Variants in GALNTL6 observed in about 807,000 individuals in gnomAD.
The protein encoded by GALNTL6 is polypeptide N-acetylgalactosaminyltransferase like 6.
Under a neutral mutation model 73.7 loss-of-function variants are expected in GALNTL6, and 46 were observed. The ratio of observed to expected loss-of-function variants is 0.62; its 90% CI spans 0.49 to 0.80. The LOEUF (loss-of-function observed/expected upper bound fraction) is 0.80, where lower values mean the gene tolerates loss of function less well. Among genes scored for constraint, GALNTL6 ranks in the 30% least tolerant of loss-of-function variants. The pLI is 0.00. For synonymous variants in GALNTL6, 259 were observed against 263.7 expected, an observed-to-expected ratio of 0.98 and a Z score of 0.17; for missense variants, 604 against 755.0, an observed-to-expected ratio of 0.80 and a Z score of 2.34.
rs181875263 is a variant in GALNTL6, at chr4:172,737,952, T to C, written c.554-71409T>C. On this transcript the variant is annotated intron_variant, in intron 5 of 12. Coordinates refer to ENST00000506823, the MANE Select transcript of GALNTL6 (RefSeq NM_001034845.3). ...GCTAGGGGATTATAAAGAGGGGACC[T>C]GGGGAACATACCTCCTATAGCTGCT... Among the ~76,000 whole-genome samples, 39 of 152,282 alleles carry C rather than the reference T, an allele frequency of 2.6e-4. No homozygotes were observed. The South Asian group carries it at 3.9e-3, about 15-fold the overall frequency.
intron 2 of GALNTL6, among the ~76,000 whole-genome samples, chr4:172,025,935 A>G (rs936444498): frequency 1.3e-5 from 2 of 152,054 alleles, no homozygotes; most frequent in Non-Finnish European, 2.9e-5. Flanking sequence ...CTAGAACAGA[A>G]TATTGACTTG....
intron 2 of GALNTL6, among the ~76,000 whole-genome samples, chr4:172,078,516 T>A (rs928464016): frequency 6.6e-6 from 1 of 152,194 alleles, no homozygotes; most frequent in African/African-American, 2.4e-5. Flanking sequence ...TTTATTGATA[T>A]GTATGTTGGT....
chr4:172,107,908 A>G (rs962323350), intron 2 of GALNTL6, among the ~76,000 whole-genome samples: 1 of 152,186 alleles, frequency 6.6e-6, no homozygotes, highest in Non-Finnish European at 1.5e-5. Context: ...TGACTTTTCA[A>G]TACCATTTGC....
chr4:172,609,662 T>TGG (rs1738447737), intron 5 of GALNTL6, among the ~76,000 whole-genome samples: 1 of 151,082 alleles, frequency 6.6e-6, no homozygotes, highest in African/African-American at 2.4e-5. Context: ...TGTGTGTGTG[T>TGG]GTGTCTGCCA....
At chr4:172,246,618 G>A (rs1276370189) in intron 3 of GALNTL6, among the ~76,000 whole-genome samples, 2 of 151,636 alleles carry the variant, frequency 1.3e-5, no homozygotes, top group African/African-American at 2.4e-5. Context: ...GGATATCAGC[G>A]TCACACTTAC....
chr4:172,792,621 G>A (rs1186842654), intron 5 of GALNTL6, among the ~76,000 whole-genome samples: 1 of 150,086 alleles, frequency 6.7e-6, no homozygotes, highest in Non-Finnish European at 1.5e-5. Context: ...GCTTGTTTTA[G>A]CATTTTTGAT....
chr4:172,691,493 T>C (rs183127394), intron 5 of GALNTL6, among the ~76,000 whole-genome samples: 1 of 152,320 alleles, frequency 6.6e-6, no homozygotes, highest in African/African-American at 2.4e-5. Flanking sequence ...TCAGACTCTT[T>C]AGGAGTACCA....
At chr4:171,854,415 T>G (rs952472841) in intron 2 of GALNTL6, among the ~76,000 whole-genome samples, 2 of 152,190 alleles carry the variant, frequency 1.3e-5, no homozygotes, top group African/African-American at 4.8e-5. Context: ...AGTTGTCAAT[T>G]TCCATGCATC....
intron 2 of GALNTL6, among the ~76,000 whole-genome samples, chr4:171,949,829 A>C (rs1738816288): frequency 1.3e-5 from 2 of 152,200 alleles, no homozygotes; most frequent in African/African-American, 2.4e-5. Context: ...TGGAGGGATA[A>C]AATGGTAGAA....
intron 2 of GALNTL6, among the ~76,000 whole-genome samples, chr4:171,876,794 G>A (rs1023730383): frequency 3.3e-5 from 5 of 152,186 alleles, no homozygotes; most frequent in African/African-American, 1.2e-4. Context: ...TTACTTTTGT[G>A]AATTACATAT....
At chr4:172,775,863 A>G (rs1739045121) in intron 5 of GALNTL6, among the ~76,000 whole-genome samples, 1 of 152,154 alleles carries the variant, frequency 6.6e-6, no homozygotes, top group Non-Finnish European at 1.5e-5. Flanking sequence ...AGAAGCCCAT[A>G]TGGCAAGGGA....
At chr4:172,915,015 C>A (rs1416038099) in intron 8 of GALNTL6, among the ~76,000 whole-genome samples, 1 of 152,184 alleles carries the variant, frequency 6.6e-6, no homozygotes, top group African/African-American at 2.4e-5. Context: ...CACTCCTCAG[C>A]AAATGTAAAA....
intron 5 of GALNTL6, among the ~76,000 whole-genome samples, chr4:172,570,959 A>G (rs1471589992): frequency 6.6e-6 from 1 of 152,142 alleles, no homozygotes; most frequent in Non-Finnish European, 1.5e-5. Flanking sequence ...TGCTCGTATG[A>G]GCATCTAATG....
intron 8 of GALNTL6, among the ~76,000 whole-genome samples, chr4:172,930,487 A>T (rs1209620900): frequency 1.3e-5 from 2 of 152,206 alleles, no homozygotes; most frequent in African/African-American, 4.8e-5. Flanking sequence ...TTAAATTTTT[A>T]AATTGGCATT....
intron 4 of GALNTL6, among the ~76,000 whole-genome samples, chr4:172,328,368 G>A (rs868375790): frequency 3.3e-5 from 5 of 152,140 alleles, no homozygotes; most frequent in South Asian, 2.1e-4. Flanking sequence ...TATGTGTATT[G>A]AGGATTTTCT....
At chr4:172,414,458 A>G (rs1744550610) in intron 5 of GALNTL6, among the ~76,000 whole-genome samples, 1 of 152,154 alleles carries the variant, frequency 6.6e-6, no homozygotes, top group Non-Finnish European at 1.5e-5. Context: ...GCATCCCCAG[A>G]TGCTAAATAT....
chr4:172,663,464 T>C (rs1185032402), intron 5 of GALNTL6, among the ~76,000 whole-genome samples: 1 of 152,238 alleles, frequency 6.6e-6, no homozygotes, highest in African/African-American at 2.4e-5. Context: ...ATGTACTGTA[T>C]ATTCAACCCC....
At chr4:172,009,321 T>C (rs1472257409) in intron 2 of GALNTL6, among the ~76,000 whole-genome samples, 1 of 152,050 alleles carries the variant, frequency 6.6e-6, no homozygotes, top group Non-Finnish European at 1.5e-5. Flanking sequence ...TGCCATAGTT[T>C]AAACAGCGTG....
intron 2 of GALNTL6, among the ~76,000 whole-genome samples, chr4:172,094,508 G>T (rs1031107444): frequency 1.3e-5 from 2 of 152,056 alleles, no homozygotes; most frequent in Non-Finnish European, 2.9e-5. Flanking sequence ...AAAGTACTTA[G>T]TGATAACAGT....
Sources: gnomAD v4.1 joint callset for allele counts (sites outside exome capture counted in the v4.1 genomes callset) on GRCh38, gnomAD v4.1.1 for gene constraint, MANE v1.5 for transcripts, NCBI Gene and HGNC (gene_info 2026-07-23, HGNC 2026-07-21) for gene names.